The following MDN1 variants were observed in gnomAD, a reference collection of about 807,000 sequenced individuals.
MDN1 encodes the protein midasin AAA ATPase 1, also known as midasin.
A neutral mutation model predicts 669.2 loss-of-function variants in MDN1; 266 were observed. The observed-to-expected ratio is 0.40, with a 90% CI of 0.36 to 0.44. The LOEUF (loss-of-function observed/expected upper bound fraction) is 0.44. Among genes scored for constraint, MDN1 ranks in the 20% least tolerant of loss-of-function variants. The pLI, the probability that MDN1 is intolerant of heterozygous loss-of-function variation, is 1.00. For missense variants in MDN1, 5,940 were observed against 6,754.0 expected, an observed-to-expected ratio of 0.88 and a Z score of 4.22; for synonymous variants, 2,385 against 2,457.1, an observed-to-expected ratio of 0.97 and a Z score of 0.87.
chr6:89,765,052 C>T (rs55938699), intron 15 of MDN1, among the ~76,000 whole-genome samples: 4,189 of 152,112 alleles, frequency 0.028, 86 homozygotes, highest in Non-Finnish European at 0.041. Context: ...GTCAGGAGAT[C>T]GAGATGATCC....
Position 89,654,353 on chromosome 6 carries a change from C to A in MDN1, c.15491-19G>T, listed in dbSNP as rs762848382. On this transcript the variant is annotated intron_variant, in intron 92 of 101. Coordinates refer to ENST00000369393, the MANE Select transcript of MDN1 (RefSeq NM_014611.3). ...GCCACATCTGTCAACAAAGCACGCA[C>A]CCACACATAAAAATCCTAGGTCTTT... 1 of 1,613,362 alleles carries A rather than the reference C, an allele frequency of 6.2e-7. No homozygotes were observed. Among genetic ancestry groups the A allele is most frequent in the Admixed American group, 1.7e-5 (1 of 59,926 alleles).
chr6:89,670,979 G>C lies in MDN1; in HGVS notation c.13896C>G (p.His4632Gln). Residue 4632 changes from histidine to glutamine, a missense_variant, in exon 83 of 102, where the codon CAC becomes CAG. This residue lies in a region of MDN1 where 2,280 missense variants were observed against 2,576.3 expected (regional missense o/e 0.88). Coordinates refer to ENST00000369393, the MANE Select transcript of MDN1 (RefSeq NM_014611.3). The part of the protein sequence containing the change: ...LFFLTMSLAT[H>Q]RSTAKLLSVL... Reference sequence around the variant, plus strand: ...CAGAGAGCAGCTTTGCAGTACTACGGTGAGTTGCTAAAGACATGGTCAGGA... The same window carrying C: ...CAGAGAGCAGCTTTGCAGTACTACGCTGAGTTGCTAAAGACATGGTCAGGA... 1.9e-6 allele frequency: 3 copies of C among 1,614,196 alleles called. No homozygotes were observed. Among genetic ancestry groups the C allele is most frequent in the South Asian group, 1.1e-5 (1 of 91,084 alleles).
chr6:89,707,381 A>T lies in MDN1; in HGVS notation c.7994T>A (p.Met2665Lys). ...SKKLRESVLRMSFEFHQDPES... is the reference protein window; with the variant it reads ...SKKLRESVLRKSFEFHQDPES... ...CTTACCTTGATGGAATTCAAAGGAC[A>T]TTCTCAAAACACTCTCTCTTAGCTT... Residue 2665 changes from methionine to lysine, a missense_variant, in exon 52 of 102, where the codon ATG becomes AAG. Transcript: ENST00000369393. 2 of 1,612,274 alleles carry T rather than the reference A, an allele frequency of 1.2e-6. No individual in the cohort carries two copies. The highest frequency in any genetic ancestry group is 1.7e-6 in the Non-Finnish European group (2 of 1,178,314).
Position 89,710,813 on chromosome 6 carries a change from C to G in MDN1, c.7652-19G>C, listed in dbSNP as rs756038119. Reference sequence around the variant, plus strand: ...ATGGACTCTGTGGAGGAAGGAGAAACCAGTGTTAGACTCTAAAGCAGTGCT... The same window carrying G: ...ATGGACTCTGTGGAGGAAGGAGAAAGCAGTGTTAGACTCTAAAGCAGTGCT... On this transcript the variant is annotated intron_variant, in intron 49 of 101. Transcript: ENST00000369393. The G allele has an allele frequency of 6.9e-7, 1 of 1,456,068 alleles. No homozygotes were observed. Among genetic ancestry groups the G allele is most frequent in the Non-Finnish European group, 9.6e-7 (1 of 1,044,624 alleles). The allele number at this position is 1,456,068 out of a possible 1,614,324, so 90.2% of individuals were successfully genotyped here. A position where few individuals can be genotyped will look rare whatever the true frequency, so the allele number is the denominator to read the frequency against.
intron 9 of MDN1, among the ~76,000 whole-genome samples, chr6:89,784,310 GT>G (rs1228134625): frequency 6.6e-6 from 1 of 151,680 alleles, no homozygotes; most frequent in Non-Finnish European, 1.5e-5. Context: ...GAGCGAAACT[GT>G]TTAAAAAAAA....
intron 72 of MDN1, 21 bp from the exon 73 acceptor site, chr6:89,683,351 A>C: frequency 1.9e-6 from 3 of 1,607,544 alleles, no homozygotes; most frequent in Non-Finnish European, 2.6e-6. Flanking sequence ...GTAATGACAG[A>C]GATAAGAAGA....
Position 89,701,997 on chromosome 6 carries a change from G to A in MDN1, c.8213C>T (p.Ala2738Val), listed in dbSNP as rs767732778. 1.4e-5 allele frequency: 23 copies of A among 1,613,692 alleles called. No homozygotes were observed. The East Asian group carries it at 4.9e-4, about 34-fold the overall frequency. ...WTVADTVKVD[A>V]PGLALLALHW... The stretch of plus-strand genomic sequence containing the variant: ...GAGGGCAAGAAGGGCCAGACCTGGG[G>A]CATCTACTTTTACTGTGTCGGCCAC... Residue 2738 changes from alanine to valine, a missense_variant, in exon 54 of 102, where the codon GCC becomes GTC. Ala to Val is a moderately conservative substitution (Grantham distance 64). This residue lies in a region of MDN1 where 2,292 missense variants were observed against 2,638.3 expected (regional missense o/e 0.87). Transcript: ENST00000369393.
At position 89,690,054 on chromosome 6, in the gene MDN1, A is replaced by AG; in HGVS notation, c.10838dup (p.Leu3614SerfsTer35). The AG allele has an allele frequency of 6.2e-7, 1 of 1,614,076 alleles. No individual in the cohort carries two copies. Among genetic ancestry groups the AG allele is most frequent in the Non-Finnish European group, 8.5e-7 (1 of 1,180,016 alleles). ...CCTGCATTGAATTCTGGGAGAGGAG[A>AG]GCTGGGTTTGTGCCTGCTTCCTCTT... On this transcript the variant is annotated frameshift_variant, in exon 65 of 102. Transcript: ENST00000369393. LOFTEE classifies it high-confidence loss of function.
chr6:89,819,180 C>T (rs1256678138), intron 1 of MDN1, among the ~76,000 whole-genome samples: 1 of 152,158 alleles, frequency 6.6e-6, no homozygotes, highest in Non-Finnish European at 1.5e-5. Context: ...ACGGCAGAAA[C>T]GCAACCTCAA....
Position 89,725,272 on chromosome 6 carries a change from C to T in MDN1, c.5597G>A (p.Gly1866Glu). The stretch of plus-strand genomic sequence containing the variant: ...TCCTTGTCTAAAGGGATTCTGACAC[C>T]CAAAAATCTTCGTCTTTTCATGCTG... ...QVQHEKTKIFGCQNPFRQGGG... is the reference protein window; with the variant it reads ...QVQHEKTKIFECQNPFRQGGG... Residue 1866 changes from glycine (G) to glutamate (E), a missense_variant, in exon 38 of 102, where the codon GGG (glycine) becomes GAG (glutamate). This residue lies in a region of MDN1 where 2,292 missense variants were observed against 2,638.3 expected (regional missense o/e 0.87). Coordinates refer to ENST00000369393, the MANE Select transcript of MDN1 (RefSeq NM_014611.3). The T allele has an allele frequency of 6.2e-7, 1 of 1,613,952 alleles. No individual in the cohort carries two copies.
At chr6:89,752,803 T>G (rs977252354) in intron 22 of MDN1, among the ~76,000 whole-genome samples, 4 of 152,064 alleles carry the variant, frequency 2.6e-5, no homozygotes, top group African/African-American at 7.2e-5. Flanking sequence ...TATCCAAGAT[T>G]CAGATAGGTT....
At chr6:89,661,008 C>G (rs550518825) in intron 88 of MDN1, among the ~76,000 whole-genome samples, 2 of 152,322 alleles carry the variant, frequency 1.3e-5, no homozygotes, top group Non-Finnish European at 2.9e-5. Flanking sequence ...AGTCTCATTC[C>G]TCACTACACA....
Position 89,758,925 on chromosome 6 carries a change from C to T in MDN1, c.2496G>A (p.Trp832Ter), listed in dbSNP as rs1278424320. ...CCAAGTTAATCTCATCCAACAAGAT[C>T]CACTCTCCTTTCTTTACAGCCTGAG... is the stretch of plus-strand genomic sequence containing the variant. ...TLAQAVKKGE[W>*]ILLDEINLAA... is the part of the protein sequence containing the mutation. The change falls in exon 18 of 102, where the codon TGG (tryptophan) becomes TGA (stop). Residue 832 changes from tryptophan (W) to a stop codon, truncating the protein, a stop_gained. Coordinates refer to ENST00000369393, the MANE Select transcript of MDN1 (RefSeq NM_014611.3). LOFTEE classifies it high-confidence loss of function. The T allele has an allele frequency of 1.2e-6, 2 of 1,613,876 alleles. No individual in the cohort carries two copies.
chr6:89,657,500 A>G (rs893644760), intron 90 of MDN1, among the ~76,000 whole-genome samples: 3 of 152,248 alleles, frequency 2.0e-5, no homozygotes, highest in African/African-American at 7.2e-5. Context: ...TCTGCTTTTT[A>G]AATTAGACGT....
intron 33 of MDN1, among the ~76,000 whole-genome samples, chr6:89,734,795 G>A (rs1396651646): frequency 1.3e-5 from 2 of 151,386 alleles, no homozygotes; most frequent in African/African-American, 4.9e-5. Flanking sequence ...CCATCTTTCT[G>A]GAGAGCAATC....
In MDN1 at chr6:89,712,765, T is replaced by C. The variant is rs1332284059; in HGVS notation, c.7240A>G (p.Lys2414Glu). ...NRKLVQALLE[K>E]HVSSLRAHET... Reference sequence around the variant, plus strand: ...TGTGCTCGCAAAGAAGAAACATGTTTCTCCAGTAAAGCCTGTACAAGCTGG... The same window carrying C: ...TGTGCTCGCAAAGAAGAAACATGTTCCTCCAGTAAAGCCTGTACAAGCTGG... The change falls in exon 48 of 102, where the codon AAA (lysine) becomes GAA (glutamate). Residue 2414 changes from lysine to glutamate, a missense_variant. Lys to Glu is a moderately conservative substitution (Grantham distance 56). Around this residue, in one of 5 missense-constraint regions of MDN1, gnomAD observed 2,292 missense variants for 2,638.3 expected, o/e 0.87. Coordinates refer to ENST00000369393, the MANE Select transcript of MDN1 (RefSeq NM_014611.3). The C allele has an allele frequency of 2.2e-5, 35 of 1,614,102 alleles. No individual in the cohort carries two copies. The highest frequency in any genetic ancestry group is 3.0e-5 in the Non-Finnish European group (35 of 1,180,010).
At chr6:89,776,779 G>A in intron 11 of MDN1, 84 bp from the exon 12 acceptor site, 7 of 952,098 alleles carry the variant, frequency 7.4e-6, no homozygotes, top group South Asian at 2.0e-5. Context: ...GCCACAAGAG[G>A]GAGAAACACA....
At chr6:89,794,866 G>T in intron 2 of MDN1, 65 bp from the exon 3 acceptor site, 2 of 1,338,732 alleles carry the variant, frequency 1.5e-6, no homozygotes, top group African/African-American at 1.4e-5. Context: ...TTTCTGCTTT[G>T]TAATAGGTTT....
chr6:89,791,877 T>TA (rs1352839240), intron 5 of MDN1, among the ~76,000 whole-genome samples: 1 of 113,476 alleles, frequency 8.8e-6, no homozygotes, highest in Non-Finnish European at 2.1e-5. Context: ...AACTTTTAAT[T>TA]TTTTTTTTTT....
Sources: allele counts gnomAD v4.1 joint callset (sites outside exome capture counted in the v4.1 genomes callset), GRCh38; gene constraint gnomAD v4.1.1; regional missense constraint gnomAD v4.1.1; transcripts MANE v1.5; gene names NCBI Gene and HGNC (gene_info 2026-07-23, HGNC 2026-07-21).